The following MKI67 variants were observed in gnomAD, a reference collection of about 807,000 sequenced individuals.
MKI67 encodes the protein marker of proliferation Ki-67, also known as proliferation marker protein Ki-67.
A neutral mutation model predicts 233.5 loss-of-function variants in MKI67; 152 were observed. The ratio of observed to expected loss-of-function variants is 0.65; its 90% confidence interval spans 0.57 to 0.74. MKI67 has a LOEUF of 0.74. Ranked by LOEUF, MKI67 falls within the 30% of genes least tolerant of loss-of-function variation. The probability of loss-of-function intolerance (pLI) is 0.00; values close to 1 mark genes in which losing one functional copy is unlikely to be tolerated. For synonymous variants in MKI67, 1,465 were observed against 1,418.5 expected (o/e 1.03, Z -0.74); for missense variants, 3,940 against 3,885.2 (o/e 1.01, Z -0.37).
rs1590288456 is a variant in MKI67 at position 128,097,706 on chromosome 10, A to G, written c.*1484T>C. On this transcript the variant is annotated 3_prime_UTR_variant, in exon 15 of 15. Coordinates refer to ENST00000368654, the MANE Select transcript of MKI67 (RefSeq NM_002417.5). ...TGCTAAGAGCCACTCTTCCTTGAAC[A>G]CCCTCCCCTGTTCTGCCCTGGTGCA... The G allele has an allele frequency of 1.3e-5, 2 of 151,910 alleles. No individual in the cohort carries two copies. The highest frequency in any genetic ancestry group is 3.9e-4 in the East Asian group (2 of 5,164). 9.4% of individuals were successfully genotyped at this position (151,910 alleles called of 1,614,324 possible). A position where few individuals can be genotyped will look rare whatever the true frequency, so the allele number is the denominator to read the frequency against.
rs1852812868 is a variant in MKI67, at chr10:128,116,508, C to T, written c.383G>A (p.Ser128Asn). The T allele has an allele frequency of 6.2e-7, 1 of 1,613,978 alleles. No individual in the cohort carries two copies. The highest frequency in any genetic ancestry group is 8.5e-7 in the Non-Finnish European group (1 of 1,179,958). Reference sequence around the variant, plus strand: ...CTACTCACCAGGGTCAGAAGAGAAGCTAGATCTTGAGACACGACGTGCTGG... The same window carrying T: ...CTACTCACCAGGGTCAGAAGAGAAGTTAGATCTTGAGACACGACGTGCTGG... ...QEPARRVSRS[S>N]FSSDPDEKAQ... The change falls in exon 6 of 15, where the codon AGC becomes AAC. Residue 128 changes from serine (S) to asparagine (N), a missense_variant. Ser to Asn is a conservative substitution (Grantham distance 46, BLOSUM62 1). Coordinates refer to ENST00000368654, the MANE Select transcript of MKI67 (RefSeq NM_002417.5).
chr10:128,105,309 G>A lies in MKI67; in HGVS notation c.6531C>T (p.Ser2177=). 6.2e-7 allele frequency: 1 copy of A among 1,614,084 alleles called. No individual in the cohort carries two copies. Among genetic ancestry groups the A allele is most frequent in the Non-Finnish European group, 8.5e-7 (1 of 1,180,018 alleles). ...CCTTAGGAGTTCTTGGCTGCCTCTT[G>A]CTACCAGTTACACTTGCTGCTGGGT... ...KLDPAASVTG[S]KRQPRTPKGK... Residue 2177 remains serine (S), a synonymous_variant, in exon 13 of 15, where the codon AGC becomes AGT. Transcript: ENST00000368654.
rs757847399 is a variant in MKI67 at position 128,109,178 on chromosome 10, G to T, written c.2662C>A (p.Pro888Thr). The change falls in exon 13 of 15, where the codon CCT (proline) becomes ACT (threonine). Residue 888 changes from proline (P) to threonine (T), a missense_variant. Physicochemically the swap from Pro to Thr is conservative, Grantham distance 38. Transcript: ENST00000368654. ...STEFRNIQKL[P>T]VESKSEETNT... The stretch of plus-strand genomic sequence containing the variant: ...GTTTCTTCACTCTTACTTTCCACAG[G>T]TAGCTTCTGTATATTCCTGAACTCT... 6.2e-7 allele frequency: 1 copy of T among 1,614,044 alleles called. No individual in the cohort carries two copies. Among genetic ancestry groups the T allele is most frequent in the Admixed American group, 1.7e-5 (1 of 60,014 alleles).
rs45549235 is a variant in MKI67, at chr10:128,105,328, G to A, written c.6512C>T (p.Ala2171Val). 0.021 allele frequency: 33,257 copies of A among 1,614,106 alleles called. 1,479 individuals carry two copies. The highest frequency in any genetic ancestry group is 0.16 in the East Asian group (7,331 of 44,866). The part of the protein sequence containing the change: ...RETAKQKLDP[A>V]ASVTGSKRQP... ...CCTCTTGCTACCAGTTACACTTGCT[G>A]CTGGGTCCAGTTTCTGTTTTGCAGT... The change falls in exon 13 of 15, where the codon GCA (alanine) becomes GTA (valine). Residue 2171 changes from alanine (A) to valine (V), a missense_variant. By Grantham distance (64) the Ala-to-Val change is moderately conservative. Transcript: ENST00000368654.
rs769340337 is a variant in MKI67 at position 128,123,131 on chromosome 10, A to G, written c.131T>C (p.Val44Ala). The G allele has an allele frequency of 6.2e-7, 1 of 1,614,076 alleles. No homozygotes were observed. The highest frequency in any genetic ancestry group is 8.5e-7 in the Non-Finnish European group (1 of 1,179,956). Residue 44 changes from valine (V) to alanine (A), a missense_variant, in exon 3 of 15, where the codon GTG becomes GCG. Transcript: ENST00000368654. ...ECDIRIQLPV[V>A]SKQHCKIEIH... ...TTCAATTTTGCAATGTTGTTTTGAC[A>G]CAACAGGAAGCTGGATACGGATGTC...
At position 128,115,812 on chromosome 10, in the gene MKI67, A is replaced by G. The variant is rs748761603; in HGVS notation, c.596T>C (p.Ile199Thr). The change falls in exon 7 of 15, where the codon ATT becomes ACT. Residue 199 changes from isoleucine (I) to threonine (T), a missense_variant. Transcript: ENST00000368654. ...GGAAATTTCTTTAAAATCCCCAGAA[A>G]TGGGATCAGCTGCATTTCTGCCATT... is the stretch of plus-strand genomic sequence containing the variant. ...GRNGRNAADP[I>T]SGDFKEISSV... 1 of 1,610,744 alleles carries G rather than the reference A, an allele frequency of 6.2e-7. No individual in the cohort carries two copies.
Position 128,104,930 on chromosome 10 carries a change from G to T in MKI67, c.6910C>A (p.Gln2304Lys), listed in dbSNP as rs1852443807. Reference sequence around the variant, plus strand: ...GCCTGGGCCTTTTCCTTAGGAGTTTGTGGCCATCTTTTGCTGCCAGGTAAA... The same window carrying T: ...GCCTGGGCCTTTTCCTTAGGAGTTTTTGGCCATCTTTTGCTGCCAGGTAAA... The part of the protein sequence containing the change: ...GNLPGSKRWP[Q>K]TPKEKAQALE... The change falls in exon 13 of 15, where the codon CAA (glutamine) becomes AAA (lysine). Residue 2304 changes from glutamine to lysine, a missense_variant. Coordinates refer to ENST00000368654, the MANE Select transcript of MKI67 (RefSeq NM_002417.5). The T allele has an allele frequency of 2.5e-6, 4 of 1,610,510 alleles. No homozygotes were observed. The highest frequency in any genetic ancestry group is 3.4e-6 in the Non-Finnish European group (4 of 1,179,126).
In MKI67 at chr10:128,107,719, T is replaced by C. The variant is rs1028356191; in HGVS notation, c.4121A>G (p.Glu1374Gly). The C allele has an allele frequency of 6.2e-7, 1 of 1,613,732 alleles. No individual in the cohort carries two copies. Among genetic ancestry groups the C allele is most frequent in the Admixed American group, 1.7e-5 (1 of 59,978 alleles). The stretch of plus-strand genomic sequence containing the variant: ...GTCTGCTGATTCTGGTGGAGAAGAT[T>C]CGCAGGGCATTTTAGTAGTTTTGCC... ...AAGKTTKMPC[E>G]SSPPESADTP... Residue 1374 changes from glutamate to glycine, a missense_variant, in exon 13 of 15, where the codon GAA becomes GGA. By Grantham distance (98) the Glu-to-Gly change is moderately conservative. Transcript: ENST00000368654.
At chr10:128,112,503 G>T (rs545552635) in intron 8 of MKI67, 58 bp from the exon 9 acceptor site, 7 of 1,498,408 alleles carry the variant, frequency 4.7e-6, no homozygotes, top group Middle Eastern at 1.7e-4. Flanking sequence ...TCTCTGGAAT[G>T]ACTGATAAAA....
At chr10:128,099,372 GA>G in intron 14 of MKI67, 117 bp from the exon 15 acceptor site, 2 of 548,838 alleles carry the variant, frequency 3.6e-6, no homozygotes. Context: ...CTTAGTTGCA[GA>G]AAATTAATTT....
intron 12 of MKI67, among the ~76,000 whole-genome samples, chr10:128,109,831 T>C (rs1852629540): frequency 6.6e-6 from 1 of 152,324 alleles, no homozygotes; most frequent in Non-Finnish European, 1.5e-5. Context: ...GGGTCCATAT[T>C]ACACAGGAAA....
At position 128,106,367 on chromosome 10, in the gene MKI67, T is replaced by C. The variant is rs1416407350; in HGVS notation, c.5473A>G (p.Lys1825Glu). The C allele has an allele frequency of 2.5e-5, 40 of 1,613,838 alleles. No individual in the cohort carries two copies. The highest frequency in any genetic ancestry group is 3.4e-5 in the Non-Finnish European group (40 of 1,179,914). ...GTCAGTTCTTCTAGAGCCTGGGCCT[T>C]TTCCTTACGAGTTTGTAGCCGTCTA... The part of the protein sequence containing the change: ...SNRRLQTRKE[K>E]AQALEELTGF... The change falls in exon 13 of 15, where the codon AAG becomes GAG. Residue 1825 changes from lysine to glutamate, a missense_variant. Lys to Glu is a moderately conservative substitution (Grantham distance 56). Transcript: ENST00000368654.
rs770059233 is a variant in MKI67, at chr10:128,105,402, T to C, written c.6438A>G (p.Thr2146=). The part of the protein sequence containing the change: ...ALKQLTQTTH[T]DKVPGDEDKG... ...TATCCTCATCTCCTGGTACTTTGTC[T>C]GTGTGTGTGGTCTGTGTGAGCTGCT... The change falls in exon 13 of 15, where the codon ACA becomes ACG. Residue 2146 remains threonine, a synonymous_variant. Transcript: ENST00000368654. 3.7e-6 allele frequency: 6 copies of C among 1,614,088 alleles called. No individual in the cohort carries two copies. The highest frequency in any genetic ancestry group is 5.1e-6 in the Non-Finnish European group (6 of 1,180,042).
At chr10:128,100,067 C>G (rs576518144) in intron 14 of MKI67, among the ~76,000 whole-genome samples, 1 of 152,216 alleles carries the variant, frequency 6.6e-6, no homozygotes, top group African/African-American at 2.4e-5. Context: ...TAAGACTCGA[C>G]GGGTGAACGT....
rs759824509 is a variant in MKI67 at position 128,104,306 on chromosome 10, G to A, written c.7534C>T (p.His2512Tyr). The change falls in exon 13 of 15, where the codon CAC becomes TAC. Residue 2512 changes from histidine (H) to tyrosine (Y), a missense_variant. His to Tyr is a moderately conservative substitution (Grantham distance 83). Transcript: ENST00000368654. Reference sequence around the variant, plus strand: ...TTACTATCTCCTGTTGGCTCTGTGTGTGTTTGCGTAGTCTCCCCTGATGTC... The same window carrying A: ...TTACTATCTCCTGTTGGCTCTGTGTATGTTTGCGTAGTCTCCCCTGATGTC... Reference protein sequence around the residue: ...TRTSGETTQTHTEPTGDSKSI... With the variant: ...TRTSGETTQTYTEPTGDSKSI... The A allele has an allele frequency of 1.2e-6, 2 of 1,614,170 alleles. No homozygotes were observed. Among genetic ancestry groups the A allele is most frequent in the East Asian group, 2.2e-5 (1 of 44,874 alleles).
intron 14 of MKI67, among the ~76,000 whole-genome samples, chr10:128,100,590 T>C (rs905663206): frequency 6.6e-6 from 1 of 152,344 alleles, no homozygotes; most frequent in East Asian, 1.9e-4. Flanking sequence ...AACCTATTTT[T>C]ATTTTAGCTA....
rs762254550 is a variant in MKI67, at chr10:128,104,537, C to T, written c.7303G>A (p.Glu2435Lys). The part of the protein sequence containing the change: ...QTPKEKAEAL[E>K]DLVGFKELFQ... ...AGTTCTTTGAAGCCAACCAGGTCCT[C>T]TAGAGCCTCAGCCTTTTCCTTAGGA... is the stretch of plus-strand genomic sequence containing the variant. The change falls in exon 13 of 15, where the codon GAG becomes AAG. Residue 2435 changes from glutamate (E) to lysine (K), a missense_variant. Glu to Lys is a moderately conservative substitution (Grantham distance 56). Transcript: ENST00000368654. 7 of 1,614,072 alleles carry T rather than the reference C, an allele frequency of 4.3e-6. No homozygotes were observed. In the African/African-American group the frequency reaches 8.0e-5, roughly 18 times the overall value.
chr10:128,112,159 C>T lies in MKI67; in HGVS notation c.1943G>A (p.Ser648Asn), dbSNP rs192491427. The T allele has an allele frequency of 1.9e-6, 3 of 1,614,004 alleles. No individual in the cohort carries two copies. Among genetic ancestry groups the T allele is most frequent in the African/African-American group, 1.3e-5 (1 of 75,058 alleles). The change falls in exon 9 of 15, where the codon AGT becomes AAT. Residue 648 changes from serine to asparagine, a missense_variant. By Grantham distance (46) the Ser-to-Asn change is conservative. Coordinates refer to ENST00000368654, the MANE Select transcript of MKI67 (RefSeq NM_002417.5). Reference protein sequence around the residue: ...ILQMICSKRRSGASEANLIVA... With the variant: ...ILQMICSKRRNGASEANLIVA... ...AATCAGATTTGCTTCCGAAGCACCA[C>T]TTCTTCTTTTGGAACATATCATCTG...
rs1198983175 is a variant in MKI67 at position 128,106,924 on chromosome 10, T to G, written c.4916A>C (p.Lys1639Thr). ...TAGGAGCTCTTCTTTCACGCCCACT[T>G]TCCCCAGGGATGTCTTGAGCCGTCG... ...SKRRLKTSLG[K>T]VGVKEELLAV... The change falls in exon 13 of 15, where the codon AAA becomes ACA. Residue 1639 changes from lysine (K) to threonine (T), a missense_variant. Physicochemically the swap from Lys to Thr is moderately conservative, Grantham distance 78 (BLOSUM62 -1). Transcript: ENST00000368654. The G allele has an allele frequency of 6.2e-7, 1 of 1,614,074 alleles. No homozygotes were observed. The highest frequency in any genetic ancestry group is 1.3e-5 in the African/African-American group (1 of 74,924).
Sources: gnomAD v4.1 joint callset for allele counts (sites outside exome capture counted in the v4.1 genomes callset) on GRCh38, gnomAD v4.1.1 for gene constraint, MANE v1.5 for transcripts, NCBI Gene and HGNC (gene_info 2026-07-23, HGNC 2026-07-21) for gene names.